Variants in ARHGEF3 observed in about 807,000 individuals in gnomAD.
ARHGEF3 encodes the protein 59.8 kDA protein.
In ARHGEF3, 28 loss-of-function variants were observed where a neutral mutation model predicts 63.2. The ratio of observed to expected loss-of-function variants is 0.44; its 90% CI spans 0.33 to 0.61. The LOEUF is 0.61. ARHGEF3 is among the 20% of genes least tolerant of loss of function. ARHGEF3 has a pLI of 0.03. For synonymous variants in ARHGEF3, 266 were observed against 254.2 expected, an observed-to-expected ratio of 1.05 and a Z score of -0.44; for missense variants, 533 against 659.3, an observed-to-expected ratio of 0.81 and a Z score of 2.10.
chr3:56,967,831 TATTA>T (rs1486306394), intron 2 of ARHGEF3, among the ~76,000 whole-genome samples: 1 of 78,502 alleles, frequency 1.3e-5, no homozygotes, highest in Non-Finnish European at 2.2e-5. Context: ...ATATAATATA[TATTA>T]ATTATATTAT....
chr3:56,913,736 T>C (rs1196958274), intron 3 of ARHGEF3, among the ~76,000 whole-genome samples: 1 of 152,192 alleles, frequency 6.6e-6, no homozygotes, highest in Non-Finnish European at 1.5e-5. Flanking sequence ...TGGAGACTCC[T>C]TAAAGAATTA....
intron 2 of ARHGEF3, among the ~76,000 whole-genome samples, chr3:56,982,068 A>C (rs908122947): frequency 6.6e-6 from 1 of 152,212 alleles, no homozygotes; most frequent in Non-Finnish European, 1.5e-5. Flanking sequence ...GATGAGATGC[A>C]AACTTGGAGC....
intron 4 of ARHGEF3, among the ~76,000 whole-genome samples, chr3:56,863,971 C>T (rs1412304773): frequency 6.6e-6 from 1 of 152,070 alleles, no homozygotes; most frequent in Non-Finnish European, 1.5e-5. Context: ...TACTAAGTGC[C>T]CACTCAAGAC....
chr3:56,977,274 A>G (rs961873880), intron 2 of ARHGEF3: 2 of 456,614 alleles, frequency 4.4e-6, no homozygotes, highest in African/African-American at 4.0e-5. Flanking sequence ...CGTGCTACTT[A>G]CCAAATATTT....
At chr3:57,021,644 T>C (rs1299794221) in intron 2 of ARHGEF3, among the ~76,000 whole-genome samples, 1 of 151,826 alleles carries the variant, frequency 6.6e-6, no homozygotes, top group East Asian at 1.9e-4. Context: ...CCCCAGCTAC[T>C]TGGGAGGCTG....
At chr3:56,749,916 C>CGAGCGAGACTCCGTCTCAAAAAAAAAA (rs2034624188) in intron 6 of ARHGEF3, among the ~76,000 whole-genome samples, 6 of 152,020 alleles carry the variant, frequency 3.9e-5, no homozygotes, top group African/African-American at 1.5e-4. Context: ...ACTTTCTGCA[C>CGAGCGAGACTCCGTCTCAAAAAAAAAA]ATCTATGTGT....
intron 1 of ARHGEF3, among the ~76,000 whole-genome samples, chr3:56,778,348 G>C (rs1184877506): frequency 1.3e-5 from 2 of 152,140 alleles, no homozygotes; most frequent in Non-Finnish European, 2.9e-5. Context: ...ACCCAGTCAG[G>C]CTGACTCCAG....
intron 1 of ARHGEF3, among the ~76,000 whole-genome samples, chr3:57,069,547 C>T (rs992084759): frequency 5.3e-5 from 8 of 152,164 alleles, no homozygotes; most frequent in South Asian, 2.1e-4. Flanking sequence ...ATAGGCACTC[C>T]ATTTTTTATT....
intron 2 of ARHGEF3, among the ~76,000 whole-genome samples, chr3:57,002,500 A>ATATATGTATATATGT (rs1553802548): frequency 8.3e-5 from 5 of 60,124 alleles, no homozygotes; most frequent in Non-Finnish European, 1.3e-4. Flanking sequence ...TATATATGTT[A>ATATATGTATATATGT]TATATATATA....
intron 1 of ARHGEF3, among the ~76,000 whole-genome samples, chr3:56,780,942 T>C (rs1198297821): frequency 4.6e-5 from 7 of 152,250 alleles, no homozygotes; most frequent in Admixed American, 3.3e-4. Context: ...TTACTCCAGA[T>C]ACCTGTGAAT....
upstream of ARHGEF3, among the ~76,000 whole-genome samples, chr3:56,804,083 C>T (rs1168908293): frequency 6.6e-6 from 1 of 151,986 alleles, no homozygotes; most frequent in Non-Finnish European, 1.5e-5. Context: ...AGGGTTTTGC[C>T]ATGTTTGCCC....
chr3:56,838,439 T>C (rs1044758991), intron 4 of ARHGEF3, among the ~76,000 whole-genome samples: 1 of 152,204 alleles, frequency 6.6e-6, no homozygotes, highest in Non-Finnish European at 1.5e-5. Context: ...CCTCAAAATC[T>C]GATCCAAAAC....
rs528661468 is a variant in ARHGEF3 at position 56,753,685 on chromosome 3, C to T, written c.376-119G>A. The T allele has an allele frequency of 1.2e-4, 99 of 844,584 alleles. 1 individual carries two copies. Among genetic ancestry groups the T allele is most frequent in the South Asian group, 9.3e-4 (59 of 63,468 alleles). 52.3% of individuals were successfully genotyped at this position (844,584 alleles called of 1,614,324 possible). On this transcript the variant is annotated intron_variant, in intron 3 of 9. Transcript: ENST00000296315. ...TTACATATTTAAGTATTTTAAGTTA[C>T]GTTAACCTGAAGCAAATGCATCTAT...
chr3:57,070,873 G>A (rs1055240295), intron 1 of ARHGEF3, among the ~76,000 whole-genome samples: 1 of 151,294 alleles, frequency 6.6e-6, no homozygotes, highest in Non-Finnish European at 1.5e-5. Flanking sequence ...TTGGGAGGCT[G>A]AGGTGGGAGG....
intron 6 of ARHGEF3, among the ~76,000 whole-genome samples, chr3:56,746,049 T>A (rs2034365393): frequency 6.6e-6 from 1 of 152,246 alleles, no homozygotes; most frequent in Non-Finnish European, 1.5e-5. Context: ...CTAATTTCTC[T>A]GACACATCCC....
chr3:56,838,172 C>A (rs1482786778), intron 4 of ARHGEF3, among the ~76,000 whole-genome samples: 1 of 152,104 alleles, frequency 6.6e-6, no homozygotes, highest in Non-Finnish European at 1.5e-5. Flanking sequence ...AACAACTTAC[C>A]TATATTTCCC....
intron 2 of ARHGEF3, among the ~76,000 whole-genome samples, chr3:56,762,751 G>A (rs1420150898): frequency 6.6e-6 from 1 of 152,178 alleles, no homozygotes; most frequent in African/African-American, 2.4e-5. Context: ...GGAGGTTGGG[G>A]TGGGACTGTA....
chr3:57,063,013 A>T (rs866859487), intron 1 of ARHGEF3, among the ~76,000 whole-genome samples: 24 of 152,234 alleles, frequency 1.6e-4, no homozygotes, highest in African/African-American at 5.1e-4. Context: ...TAGTGTAAGG[A>T]GAAAAAGCAA....
chr3:56,982,254 T>TAA (rs76434123), intron 2 of ARHGEF3, among the ~76,000 whole-genome samples: 5 of 141,768 alleles, frequency 3.5e-5, no homozygotes, highest in Admixed American at 2.1e-4. Context: ...GAGCTCTCTT[T>TAA]AAAAAAAAAA....
Sources: allele counts gnomAD v4.1 joint callset (sites outside exome capture counted in the v4.1 genomes callset), GRCh38; gene constraint gnomAD v4.1.1; transcripts MANE v1.5; gene names NCBI Gene and HGNC (gene_info 2026-07-23, HGNC 2026-07-21).